The following DNAH5 variants were observed in gnomAD, a reference collection of about 807,000 sequenced individuals.
The protein encoded by DNAH5 is dynein axonemal heavy chain 5.
A neutral mutation model predicts 518.2 loss-of-function variants in DNAH5; 372 were observed. That is an observed-to-expected ratio of 0.72 (90% confidence interval 0.66 to 0.78). DNAH5 has a LOEUF of 0.78. Among genes scored for constraint, DNAH5 ranks in the 30% least tolerant of loss-of-function variants. DNAH5 has a pLI of 0.00. For synonymous variants in DNAH5, 2,039 were observed against 2,025.9 expected (o/e 1.01, Z -0.17); for missense variants, 5,523 against 5,687.0 (o/e 0.97, Z 0.93).
chr5:13,804,377 T>C (rs1759250274), intron 47 of DNAH5, among the ~76,000 whole-genome samples: 1 of 152,206 alleles, frequency 6.6e-6, no homozygotes, highest in African/African-American at 2.4e-5. Context: ...GTGTGCCATC[T>C]TGGTAACAGC....
intron 38 of DNAH5, among the ~76,000 whole-genome samples, chr5:13,828,634 G>A (rs1364281605): frequency 6.6e-6 from 1 of 152,232 alleles, no homozygotes; most frequent in Admixed American, 6.5e-5. Context: ...CTGACTTTGA[G>A]AAAGTAAGTG....
intron 1 of DNAH5, among the ~76,000 whole-genome samples, chr5:13,970,655 C>A (rs1781803165): frequency 6.6e-6 from 1 of 152,224 alleles, no homozygotes; most frequent in South Asian, 2.1e-4. Context: ...GAGAAATCTG[C>A]TGCTACTCTG....
At chr5:13,899,298 C>T (rs937050933) in intron 15 of DNAH5, 1 of 152,374 alleles carries the variant, frequency 6.6e-6, no homozygotes, top group Non-Finnish European at 1.5e-5. Flanking sequence ...TATTTGCACA[C>T]CTGTCTTCTT....
chr5:13,780,808 G>C (rs377311427), intron 53 of DNAH5, 21 bp downstream of exon 53: 4 of 1,612,882 alleles, frequency 2.5e-6, no homozygotes, highest in East Asian at 2.2e-5. Context: ...TGTTAGGTTT[G>C]TTAAAGTAAA....
At position 13,692,108 on chromosome 5, in the gene DNAH5, C is replaced by T; in HGVS notation, c.13751G>A (p.Cys4584Tyr). 2 of 1,613,890 alleles carry T rather than the reference C, an allele frequency of 1.2e-6. No individual in the cohort carries two copies. Among genetic ancestry groups the T allele is most frequent in the Non-Finnish European group, 1.7e-6 (2 of 1,179,970 alleles). The change falls in exon 79 of 79, where the codon TGT becomes TAT. Residue 4584 changes from cysteine to tyrosine, a missense_variant. This residue lies in a region of DNAH5 where 387 missense variants were observed against 430.0 expected (regional missense o/e 0.90). Coordinates refer to ENST00000265104, the MANE Select transcript of DNAH5 (RefSeq NM_001369.3). Reference sequence around the variant, plus strand: ...TCGAACTGGCTTCTTATAGATGGGACAGGAGTAAAACCGAGGATCTCGTAA... The same window carrying T: ...TCGAACTGGCTTCTTATAGATGGGATAGGAGTAAAACCGAGGATCTCGTAA... ...NTLRDPRFYS[C>Y]PIYKKPVRTD...
chr5:13,953,643 C>A (rs1780575152), intron 1 of DNAH5, among the ~76,000 whole-genome samples: 1 of 152,298 alleles, frequency 6.6e-6, no homozygotes, highest in South Asian at 2.1e-4. Context: ...CAATTACTTT[C>A]TTTTGATTGT....
At chr5:13,863,692 A>G (rs1768808131) in intron 28 of DNAH5, among the ~76,000 whole-genome samples, 1 of 152,052 alleles carries the variant, frequency 6.6e-6, no homozygotes, top group South Asian at 2.1e-4. Context: ...TGGTTTTTCC[A>G]TCATTCTTCC....
intron 53 of DNAH5, among the ~76,000 whole-genome samples, chr5:13,778,896 T>C (rs1754663062): frequency 6.6e-6 from 1 of 152,202 alleles, no homozygotes. Flanking sequence ...CAGTATGACA[T>C]GCAGAGGAAC....
chr5:13,891,611 G>A (rs1773226735), intron 16 of DNAH5, among the ~76,000 whole-genome samples: 1 of 152,082 alleles, frequency 6.6e-6, no homozygotes, highest in Non-Finnish European at 1.5e-5. Context: ...AACCACAGAT[G>A]GAGCATCCTT....
rs73048096 is a variant in DNAH5 at position 13,724,126 on chromosome 5, C to T, written c.12034-2881G>A. On this transcript the variant is annotated intron_variant, in intron 70 of 78. Transcript: ENST00000265104. Reference sequence around the variant, plus strand: ...TTCATCTTCTTTTCTCCAACTTCAACCCAACACCCTGCATTATCTCACCAG... The same window carrying T: ...TTCATCTTCTTTTCTCCAACTTCAATCCAACACCCTGCATTATCTCACCAG... Among the ~76,000 whole-genome samples the T allele has an allele frequency of 2.2e-3, 337 of 152,334 alleles. 3 individuals carry two copies. Among genetic ancestry groups the T allele is most frequent in the African/African-American group, 7.8e-3 (323 of 41,576 alleles).
intron 52 of DNAH5, among the ~76,000 whole-genome samples, chr5:13,784,984 C>T (rs903995775): frequency 2.0e-5 from 3 of 151,984 alleles, no homozygotes; most frequent in African/African-American, 4.8e-5. Context: ...ACGGATGGGA[C>T]GGGGCTGAGT....
At chr5:13,722,105 C>A (rs963161627) in intron 70 of DNAH5, among the ~76,000 whole-genome samples, 2 of 152,156 alleles carry the variant, frequency 1.3e-5, no homozygotes, top group Non-Finnish European at 2.9e-5. Context: ...ATAACTTAGG[C>A]GTGGGTGCAA....
intron 61 of DNAH5, among the ~76,000 whole-genome samples, chr5:13,757,920 C>T (rs1437142931): frequency 6.6e-6 from 1 of 151,860 alleles, no homozygotes; most frequent in East Asian, 1.9e-4. Context: ...TCAATTCGGC[C>T]AAGTAAAGGC....
At chr5:13,700,500 A>T in intron 78 of DNAH5, 140 bp downstream of exon 78, 2 of 816,552 alleles carry the variant, frequency 2.4e-6, no homozygotes, top group South Asian at 1.5e-5. Context: ...AGTCCCCATT[A>T]AACATGGGTG....
Position 13,923,296 on chromosome 5 carries a change from G to T in DNAH5, c.422C>A (p.Pro141His), listed in dbSNP as rs1357634869. The change falls in exon 4 of 79, where the codon CCT becomes CAT. Residue 141 changes from proline to histidine, a missense_variant. Pro to His is a moderately conservative substitution (Grantham distance 77). Around this residue, in one of 3 missense-constraint regions of DNAH5, gnomAD observed 5,121 missense variants for 5,223.3 expected, o/e 0.98. Transcript: ENST00000265104. ...GCCCCTTACCTGGTGGATGTTGTCA[G>T]GGGTGATGGCTTTGGAAGGGTCAGT... Reference protein sequence around the residue: ...IRTDPSKAITPDNIHQEVSFN... With the variant: ...IRTDPSKAITHDNIHQEVSFN... The T allele has an allele frequency of 6.2e-7, 1 of 1,614,036 alleles. No homozygotes were observed. Among genetic ancestry groups the T allele is most frequent in the Non-Finnish European group, 8.5e-7 (1 of 1,180,008 alleles).
chr5:13,721,311 G>A (rs922191979), intron 70 of DNAH5, 66 bp from the exon 71 acceptor site: 4 of 1,603,322 alleles, frequency 2.5e-6, no homozygotes, highest in African/African-American at 2.7e-5. Context: ...AATGTAGTGT[G>A]GTTTCCAAAA....
At chr5:13,837,524 C>T (rs762839754) in intron 35 of DNAH5, among the ~76,000 whole-genome samples, 3 of 151,000 alleles carry the variant, frequency 2.0e-5, no homozygotes, top group Non-Finnish European at 4.4e-5. Context: ...CCCAGGTTAA[C>T]GCACATGGTG....
At chr5:13,947,984 A>C (rs2152033126), upstream of DNAH5, among the ~76,000 whole-genome samples, 1 of 152,312 alleles carries the variant, frequency 6.6e-6, no homozygotes, top group Non-Finnish European at 1.5e-5. Flanking sequence ...GGCCAGACAA[A>C]AATCATGACA....
chr5:13,822,138 C>G (rs1762312119), intron 40 of DNAH5, among the ~76,000 whole-genome samples: 1 of 151,958 alleles, frequency 6.6e-6, no homozygotes, highest in African/African-American at 2.4e-5. Context: ...AAACCACTTG[C>G]AGACAAATTA....
Sources: gnomAD v4.1 joint callset for allele counts (sites outside exome capture counted in the v4.1 genomes callset) on GRCh38, gnomAD v4.1.1 for gene constraint, gnomAD v4.1.1 regional missense constraint, MANE v1.5 for transcripts, NCBI Gene and HGNC (gene_info 2026-07-23, HGNC 2026-07-21) for gene names.